INPP4B: variants seen among roughly 807,000 people sequenced by gnomAD.
The protein encoded by INPP4B is inositol polyphosphate-4-phosphatase type II B, also known as inositol polyphosphate 4-phosphatase type II.
INPP4B carries 55 observed loss-of-function variants against 122.5 expected under a neutral mutation model. The observed-to-expected ratio is 0.45, with a 90% CI of 0.36 to 0.56. The LOEUF is 0.56. Among genes scored for constraint, INPP4B ranks in the 20% least tolerant of loss-of-function variants. INPP4B has a pLI of 0.00. For synonymous variants in INPP4B, 403 were observed against 388.7 expected (o/e 1.04, Z -0.43); for missense variants, 1,000 against 1,097.7 (o/e 0.91, Z 1.26).
chr4:142,127,904 T>C (rs1799335663), intron 18 of INPP4B, among the ~76,000 whole-genome samples: 2 of 152,134 alleles, frequency 1.3e-5, no homozygotes, highest in South Asian at 4.1e-4. Flanking sequence ...TCTCAGGTTC[T>C]GAAATAAACA....
intron 25 of INPP4B, among the ~76,000 whole-genome samples, chr4:142,057,447 A>T (rs1196136703): frequency 1.3e-5 from 2 of 151,904 alleles, no homozygotes; most frequent in Non-Finnish European, 2.9e-5. Flanking sequence ...ATTTATGATT[A>T]AAAAAAGATA....
intron 2 of INPP4B, among the ~76,000 whole-genome samples, chr4:142,678,918 T>C (rs1445384248): frequency 6.6e-6 from 1 of 151,952 alleles, no homozygotes; most frequent in African/African-American, 2.4e-5. Context: ...CATTAATTTA[T>C]CTTCTCTAAT....
At chr4:142,130,979 T>C (rs1435427274) in intron 18 of INPP4B, among the ~76,000 whole-genome samples, 1 of 152,178 alleles carries the variant, frequency 6.6e-6, no homozygotes, top group African/African-American at 2.4e-5. Flanking sequence ...TAGCACAAAA[T>C]TGAAAGCCTA....
intron 2 of INPP4B, among the ~76,000 whole-genome samples, chr4:142,591,202 G>A (rs1466579503): frequency 6.6e-6 from 1 of 151,994 alleles, no homozygotes; most frequent in East Asian, 1.9e-4. Context: ...GAAAGGCTGG[G>A]GTGGGCTGAG....
intron 10 of INPP4B, among the ~76,000 whole-genome samples, chr4:142,261,077 A>G (rs999875405): frequency 1.8e-4 from 27 of 152,358 alleles, no homozygotes; most frequent in African/African-American, 6.5e-4. Flanking sequence ...TCATTTATAA[A>G]TAAGCTGATC....
chr4:142,042,535 TATGTATGTATGTATGTATGTATG>T (rs1339250920), intron 25 of INPP4B, among the ~76,000 whole-genome samples: 1 of 25,688 alleles, frequency 3.9e-5, no homozygotes, highest in Non-Finnish European at 2.0e-4. Context: ...TGTATGTATG[TATGTATGTATGTATGTATGTATG>T]TATTTATTTA....
chr4:142,521,463 A>G (rs576972237), intron 2 of INPP4B, among the ~76,000 whole-genome samples: 14 of 152,170 alleles, frequency 9.2e-5, no homozygotes, highest in African/African-American at 2.9e-4. Context: ...TTAGCCATAA[A>G]AAATTTCAAA....
intron 7 of INPP4B, among the ~76,000 whole-genome samples, chr4:142,346,846 T>C (rs1260065587): frequency 6.6e-6 from 1 of 151,990 alleles, no homozygotes; most frequent in Non-Finnish European, 1.5e-5. Context: ...TTCTAAGAGG[T>C]AGAGCCAGTT....
chr4:142,173,879 GCAAATGATAAA>G (rs1561374914), intron 15 of INPP4B, 70 bp from the exon 16 acceptor site: 1 of 1,213,936 alleles, frequency 8.2e-7, no homozygotes, highest in East Asian at 2.3e-5. Context: ...ATATCAGATG[GCAAATGATAAA>G]CAGAACTCCA....
chr4:142,753,983 T>C (rs1363773121), intron 1 of INPP4B, among the ~76,000 whole-genome samples: 2 of 152,056 alleles, frequency 1.3e-5, no homozygotes, highest in East Asian at 1.9e-4. Flanking sequence ...CAGCTCCTAA[T>C]AATTTTTAAG....
At chr4:142,062,022 T>C (rs1220432434) in intron 25 of INPP4B, among the ~76,000 whole-genome samples, 2 of 151,902 alleles carry the variant, frequency 1.3e-5, no homozygotes, top group Non-Finnish European at 2.9e-5. Flanking sequence ...AGTTACTTTA[T>C]TTGGATCACA....
At chr4:142,487,967 C>CA (rs1821404347) in intron 2 of INPP4B, among the ~76,000 whole-genome samples, 1 of 152,044 alleles carries the variant, frequency 6.6e-6, no homozygotes, top group African/African-American at 2.4e-5. Context: ...GAATAGAAAG[C>CA]AGACACAACC....
intron 18 of INPP4B, among the ~76,000 whole-genome samples, chr4:142,125,566 C>T (rs1798294163): frequency 6.6e-6 from 1 of 152,054 alleles, no homozygotes; most frequent in South Asian, 2.1e-4. Context: ...TATCTCCTCT[C>T]CTGGAACACT....
chr4:142,386,682 C>A (rs566984869), intron 7 of INPP4B, among the ~76,000 whole-genome samples: 1 of 152,314 alleles, frequency 6.6e-6, no homozygotes, highest in Admixed American at 6.5e-5. Context: ...ATGCCACGTC[C>A]CTTTTTATGT....
chr4:142,439,545 T>C (rs1170215828), intron 3 of INPP4B, among the ~76,000 whole-genome samples: 1 of 152,246 alleles, frequency 6.6e-6, no homozygotes, highest in Non-Finnish European at 1.5e-5. Context: ...CCTATCTATA[T>C]GTGTGTGTAT....
At chr4:142,469,961 GAATAA>G (rs1818511585) in intron 2 of INPP4B, among the ~76,000 whole-genome samples, 1 of 151,976 alleles carries the variant, frequency 6.6e-6, no homozygotes, top group East Asian at 1.9e-4. Flanking sequence ...TATCCTTTTA[GAATAA>G]AATAAATTAT....
At chr4:142,499,107 T>C (rs1020758748) in intron 2 of INPP4B, among the ~76,000 whole-genome samples, 1 of 152,106 alleles carries the variant, frequency 6.6e-6, no homozygotes, top group South Asian at 2.1e-4. Context: ...ACCTTTGTAG[T>C]TAGGTAAAGC....
At chr4:142,452,711 C>T (rs1485995792) in intron 3 of INPP4B, among the ~76,000 whole-genome samples, 1 of 152,126 alleles carries the variant, frequency 6.6e-6, no homozygotes, top group Non-Finnish European at 1.5e-5. Flanking sequence ...GTGTGTGACA[C>T]TTTTGGTTGC....
chr4:142,605,295 C>A (rs1741002276), intron 2 of INPP4B, among the ~76,000 whole-genome samples: 1 of 151,908 alleles, frequency 6.6e-6, no homozygotes, highest in African/African-American at 2.4e-5. Flanking sequence ...AGACATGTAA[C>A]TGTAAAACTA....
Sources: allele counts gnomAD v4.1 joint callset (sites outside exome capture counted in the v4.1 genomes callset), GRCh38; gene constraint gnomAD v4.1.1; transcripts MANE v1.5; gene names NCBI Gene and HGNC (gene_info 2026-07-23, HGNC 2026-07-21).